PIK3R3: variants seen among roughly 807,000 people sequenced by gnomAD.
PIK3R3 encodes the protein phosphatidylinositol 3-kinase regulatory subunit gamma.
PIK3R3 carries 64 observed loss-of-function variants against 62.9 expected under a neutral mutation model. The observed-to-expected ratio is 1.02, with a 90% CI of 0.83 to 1.25. PIK3R3 has a LOEUF of 1.25. Ranked by LOEUF, PIK3R3 falls within the 50% of genes most tolerant of loss-of-function variation. The probability of loss-of-function intolerance (pLI) is 0.00; values close to 1 mark genes in which losing one functional copy is unlikely to be tolerated. For missense variants in PIK3R3, 614 were observed against 561.6 expected (o/e 1.09, Z -0.94); for synonymous variants, 165 against 189.0 (o/e 0.87, Z 1.04).
At position 46,132,198 on chromosome 1, in the gene PIK3R3, G is replaced by A. The variant is rs553133523; in HGVS notation, c.-246C>T. 5.5e-5 allele frequency: 70 copies of A among 1,263,918 alleles called. No homozygotes were observed. The African/African-American group carries it at 9.1e-4, about 16-fold the overall frequency. The allele number at this position is 1,263,918 out of a possible 1,614,324, so 78.3% of individuals were successfully genotyped here. On this transcript the variant is annotated 5_prime_UTR_variant, in exon 1 of 10. Transcript: ENST00000262741. Reference sequence around the variant, plus strand: ...TTTTCTCCTCAGAGGATTACACAGAGGCTTGGGGGACGGAGAGCAGAGGTG... The same window carrying A: ...TTTTCTCCTCAGAGGATTACACAGAAGCTTGGGGGACGGAGAGCAGAGGTG...
chr1:46,087,056 G>C (rs571319716), intron 1 of PIK3R3, among the ~76,000 whole-genome samples: 1 of 152,276 alleles, frequency 6.6e-6, no homozygotes, highest in South Asian at 2.1e-4. Context: ...TCATAGGTGG[G>C]AACTGAACAA....
chr1:46,135,694 G>A (rs1402924665), upstream of PIK3R3, among the ~76,000 whole-genome samples: 2 of 152,078 alleles, frequency 1.3e-5, no homozygotes, highest in East Asian at 1.9e-4. Context: ...GAAGTTCTTC[G>A]TGATTAAAGG....
intron 3 of PIK3R3, among the ~76,000 whole-genome samples, chr1:46,071,759 A>AGAGAGAGAGC (rs777668187): frequency 2.9e-4 from 29 of 100,102 alleles, no homozygotes; most frequent in Non-Finnish European, 3.8e-4. Flanking sequence ...AGAGAGAGAG[A>AGAGAGAGAGC]GCGCGCGCCT....
At chr1:46,127,372 C>CATAT (rs1655189749) in intron 1 of PIK3R3, among the ~76,000 whole-genome samples, 1 of 144,520 alleles carries the variant, frequency 6.9e-6, no homozygotes, top group African/African-American at 2.6e-5. Context: ...TATATATATA[C>CATAT]ATAATTTCAG....
At chr1:46,045,615 T>A (rs12728768) in intron 9 of PIK3R3, among the ~76,000 whole-genome samples, 1 of 139,616 alleles carries the variant, frequency 7.2e-6, no homozygotes, top group Non-Finnish European at 1.5e-5. Flanking sequence ...AACAATTAAG[T>A]GCTTTTTTTT....
intron 1 of PIK3R3, among the ~76,000 whole-genome samples, chr1:46,108,814 C>G (rs1653447326): frequency 6.6e-6 from 1 of 152,190 alleles, no homozygotes; most frequent in South Asian, 2.1e-4. Flanking sequence ...AGTCTTAACT[C>G]TATTCTACTC....
intron 1 of PIK3R3, among the ~76,000 whole-genome samples, chr1:46,114,592 C>A (rs998777705): frequency 6.6e-6 from 1 of 151,752 alleles, no homozygotes; most frequent in Non-Finnish European, 1.5e-5. Context: ...GGGGTAGGAC[C>A]TAGCAATTTG....
At chr1:46,045,826 TTAAC>T (rs1386461808) in intron 9 of PIK3R3, 88 bp downstream of exon 9, 70 of 1,161,346 alleles carry the variant, frequency 6.0e-5, no homozygotes, top group Admixed American at 1.3e-4. Context: ...TTACTGTACA[TTAAC>T]TAATTTCATC....
intron 1 of PIK3R3, among the ~76,000 whole-genome samples, chr1:46,092,872 C>T (rs1304267931): frequency 1.3e-5 from 2 of 152,148 alleles, no homozygotes; most frequent in Admixed American, 6.6e-5. Flanking sequence ...TATCCTCCCA[C>T]TGTACCTGTC....
chr1:46,130,924 C>G (rs928942975), intron 1 of PIK3R3, among the ~76,000 whole-genome samples: 1 of 152,120 alleles, frequency 6.6e-6, no homozygotes, highest in African/African-American at 2.4e-5. Context: ...GAAAAAAAAG[C>G]CAACTTTTCC....
At chr1:46,078,818 G>A (rs1427570873) in intron 2 of PIK3R3, among the ~76,000 whole-genome samples, 4 of 152,236 alleles carry the variant, frequency 2.6e-5, no homozygotes, top group Non-Finnish European at 5.9e-5. Context: ...TCTGACACAT[G>A]CTACAACATG....
chr1:46,154,965 G>A, the PIK3R3 span, among the ~76,000 whole-genome samples: 4 of 152,174 alleles, frequency 2.6e-5, no homozygotes, highest in Non-Finnish European at 4.4e-5. Context: ...TTACTAGGAT[G>A]TATCACAATC....
the PIK3R3 span, among the ~76,000 whole-genome samples, chr1:46,140,283 A>G: frequency 5.9e-5 from 9 of 152,026 alleles, no homozygotes; most frequent in South Asian, 1.9e-3. Flanking sequence ...ATGAGCCACC[A>G]CACCGTGTCC....
the PIK3R3 span, among the ~76,000 whole-genome samples, chr1:46,161,520 C>T: frequency 2.0e-5 from 3 of 152,130 alleles, no homozygotes; most frequent in African/African-American, 4.8e-5. Context: ...TGTCAAGATC[C>T]TTAAAAATAT....
At chr1:46,142,923 A>G in the PIK3R3 span, among the ~76,000 whole-genome samples, 2 of 152,136 alleles carry the variant, frequency 1.3e-5, no homozygotes. Context: ...CAGATTGCAA[A>G]ATGGATTGAA....
rs1024814944 is a variant in PIK3R3, at chr1:46,040,400, T to G, written c.*3273A>C. 4.3e-6 allele frequency: 1 copy of G among 230,578 alleles called. No homozygotes were observed. Among genetic ancestry groups the G allele is most frequent in the Non-Finnish European group, 8.6e-6 (1 of 116,250 alleles). 14.3% of individuals were successfully genotyped at this position (230,578 alleles called of 1,614,324 possible). A position where few individuals can be genotyped will look rare whatever the true frequency, so the allele number is the denominator to read the frequency against. Reference sequence around the variant, plus strand: ...GTGAGTCAGATATTTTTACGTAAACTACACGAATTTTCTTGGACACATCAA... The same window carrying G: ...GTGAGTCAGATATTTTTACGTAAACGACACGAATTTTCTTGGACACATCAA... On this transcript the variant is annotated 3_prime_UTR_variant, in exon 10 of 10. Coordinates refer to ENST00000262741, the MANE Select transcript of PIK3R3 (RefSeq NM_003629.4).
intron 1 of PIK3R3, among the ~76,000 whole-genome samples, chr1:46,081,439 T>C (rs1301826300): frequency 1.3e-5 from 2 of 152,100 alleles, no homozygotes; most frequent in African/African-American, 4.8e-5. Flanking sequence ...CAAGTGAACA[T>C]TACTGCCTGA....
chr1:46,131,543 C>G (rs910949135), intron 1 of PIK3R3, among the ~76,000 whole-genome samples: 4 of 151,912 alleles, frequency 2.6e-5, no homozygotes, highest in African/African-American at 9.7e-5. Context: ...GTGGCGGGCA[C>G]AAGAAAAACC....
At chr1:46,111,669 G>A (rs1225614172) in intron 1 of PIK3R3, among the ~76,000 whole-genome samples, 2 of 152,012 alleles carry the variant, frequency 1.3e-5, no homozygotes, top group Admixed American at 6.6e-5. Context: ...AGATTGCAGT[G>A]AGCTGAGATC....
Sources: gnomAD v4.1 joint callset for allele counts (sites outside exome capture counted in the v4.1 genomes callset) on GRCh38, gnomAD v4.1.1 for gene constraint, MANE v1.5 for transcripts, NCBI Gene and HGNC (gene_info 2026-07-23, HGNC 2026-07-21) for gene names.